The following PPP1R1C variants were observed in gnomAD, a reference collection of about 807,000 sequenced individuals.
The protein encoded by PPP1R1C is protein phosphatase 1 regulatory subunit 1C.
In PPP1R1C, 15 loss-of-function variants were observed where a neutral mutation model predicts 17.4. The observed-to-expected ratio is 0.86, with a 90% CI of 0.58 to 1.33. The LOEUF (loss-of-function observed/expected upper bound fraction) is 1.33, where lower values mean the gene tolerates loss of function less well. Ranked by LOEUF, PPP1R1C falls within the 40% of genes most tolerant of loss-of-function variation. The pLI is 0.00. For synonymous variants in PPP1R1C, 35 were observed against 43.1 expected (o/e 0.81, Z 0.73); for missense variants, 143 against 130.0 (o/e 1.10, Z -0.48).
intron 2 of PPP1R1C, among the ~76,000 whole-genome samples, chr2:182,053,989 T>C (rs1687607299): frequency 1.3e-5 from 2 of 152,118 alleles, no homozygotes; most frequent in South Asian, 4.1e-4. Flanking sequence ...ATTACAGGCG[T>C]GAGCCACCAC....
chr2:182,031,841 T>G (rs1559064638), intron 2 of PPP1R1C, among the ~76,000 whole-genome samples: 1 of 152,202 alleles, frequency 6.6e-6, no homozygotes, highest in Non-Finnish European at 1.5e-5. Context: ...TAGAAGATTT[T>G]GTTAAAAGAA....
chr2:182,033,935 C>T (rs1356983807), intron 2 of PPP1R1C, among the ~76,000 whole-genome samples: 1 of 152,160 alleles, frequency 6.6e-6, no homozygotes, highest in Non-Finnish European at 1.5e-5. Flanking sequence ...TTCTCTGTTC[C>T]TGCAAAACTC....
chr2:182,118,003 T>C (rs1689637886), downstream of PPP1R1C: 1 of 152,142 alleles, frequency 6.6e-6, no homozygotes, highest in South Asian at 2.1e-4. Flanking sequence ...AATCCAAAAA[T>C]CTATGCCAAA....
At chr2:182,074,646 C>G (rs947981779) in intron 4 of PPP1R1C, among the ~76,000 whole-genome samples, 1 of 152,160 alleles carries the variant, frequency 6.6e-6, no homozygotes, top group Non-Finnish European at 1.5e-5. Context: ...TGGTCTATAA[C>G]ATTTTCCCTC....
At chr2:182,041,347 G>T (rs1036933654) in intron 2 of PPP1R1C, among the ~76,000 whole-genome samples, 1 of 152,102 alleles carries the variant, frequency 6.6e-6, no homozygotes, top group Non-Finnish European at 1.5e-5. Context: ...GGTAGCTCAC[G>T]CCTGTAATCC....
chr2:182,080,565 T>A (rs1291386314), intron 4 of PPP1R1C, among the ~76,000 whole-genome samples: 6 of 152,200 alleles, frequency 3.9e-5, no homozygotes, highest in Admixed American at 3.9e-4. Flanking sequence ...TAATACACAT[T>A]CACACATATT....
intron 2 of PPP1R1C, among the ~76,000 whole-genome samples, chr2:181,979,722 TAG>T (rs1175897348): frequency 2.0e-5 from 3 of 152,158 alleles, no homozygotes; most frequent in Non-Finnish European, 4.4e-5. Flanking sequence ...TGGGTGTAAA[TAG>T]AGTGTACGTA....
At chr2:181,963,543 G>A (rs1684847439) in intron 1 of PPP1R1C, among the ~76,000 whole-genome samples, 1 of 152,174 alleles carries the variant, frequency 6.6e-6, no homozygotes, top group Admixed American at 6.5e-5. Context: ...GGAGGCTGCA[G>A]CAGGAGAATT....
At chr2:182,072,010 G>C (rs1304611567) in intron 4 of PPP1R1C, among the ~76,000 whole-genome samples, 1 of 152,144 alleles carries the variant, frequency 6.6e-6, no homozygotes, top group African/African-American at 2.4e-5. Context: ...ATTCCTATTT[G>C]AGTCAGTATT....
chr2:181,979,731 C>T (rs547864095), intron 2 of PPP1R1C, among the ~76,000 whole-genome samples: 8 of 152,252 alleles, frequency 5.3e-5, no homozygotes, highest in African/African-American at 1.7e-4. Context: ...ATAGAGTGTA[C>T]GTAGTGTTAG....
At chr2:182,081,077 A>G (rs10930986) in intron 4 of PPP1R1C, among the ~76,000 whole-genome samples, 83,799 of 152,040 alleles carry the variant, frequency 0.55, 23,604 homozygotes, top group Non-Finnish European at 0.61. Flanking sequence ...GATTAACTTC[A>G]TTTAAAGCAT....
intron 1 of PPP1R1C, among the ~76,000 whole-genome samples, chr2:181,959,220 T>C (rs1482756029): frequency 1.3e-5 from 2 of 152,214 alleles, no homozygotes; most frequent in African/African-American, 4.8e-5. Flanking sequence ...AAACCTACGA[T>C]TAAGAATTTT....
At chr2:182,055,262 T>A (rs1281067565) in intron 2 of PPP1R1C, among the ~76,000 whole-genome samples, 2 of 152,204 alleles carry the variant, frequency 1.3e-5, no homozygotes, top group African/African-American at 2.4e-5. Context: ...TCTAAGTGTC[T>A]TTACTTCCCT....
chr2:182,042,350 T>C (rs1687210785), intron 2 of PPP1R1C, among the ~76,000 whole-genome samples: 2 of 152,192 alleles, frequency 1.3e-5, no homozygotes, highest in South Asian at 4.1e-4. Context: ...TGGAAGTACT[T>C]TATCTGGGAT....
At chr2:182,108,516 T>A (rs1410821482) in intron 4 of PPP1R1C, among the ~76,000 whole-genome samples, 1 of 152,220 alleles carries the variant, frequency 6.6e-6, no homozygotes, top group Non-Finnish European at 1.5e-5. Context: ...AATGATGACT[T>A]CCACATTAAT....
In PPP1R1C at chr2:181,961,560, C is replaced by T; in HGVS notation, n.111+6926C>T. 2.6e-6 allele frequency: 2 copies of T among 777,584 alleles called. No individual in the cohort carries two copies. Among genetic ancestry groups the T allele is most frequent in the East Asian group, 5.1e-5 (2 of 39,484 alleles). 48.2% of individuals were successfully genotyped at this position (777,584 alleles called of 1,614,324 possible). On this transcript the variant is annotated intron_variant and non_coding_transcript_variant, in intron 1 of 5. Transcript: ENST00000464264. This position sits in a 1 kb window ranked among gnomAD's most constrained non-coding sequence, Gnocchi z 5.8. ...GATTTCTCATGGAGTCCAGGTCCAT[C>T]TTTAAGGACTGGACTGTACGTCTCA...
chr2:182,111,765 G>T (rs1473636621), intron 4 of PPP1R1C, among the ~76,000 whole-genome samples: 1 of 151,398 alleles, frequency 6.6e-6, no homozygotes, highest in Non-Finnish European at 1.5e-5. Context: ...CAATTATATA[G>T]AAATTATATT....
chr2:181,988,533 C>T (rs533257079), intron 2 of PPP1R1C, among the ~76,000 whole-genome samples: 62 of 152,306 alleles, frequency 4.1e-4, no homozygotes, highest in Admixed American at 3.7e-3. Context: ...ACATTATTTA[C>T]TTATTGAAGC....
At chr2:182,016,136 G>A (rs1397641078) in intron 2 of PPP1R1C, among the ~76,000 whole-genome samples, 1 of 152,138 alleles carries the variant, frequency 6.6e-6, no homozygotes, top group African/African-American at 2.4e-5. Flanking sequence ...GCTAGGGCTG[G>A]TCTAAATGCC....
Sources: allele counts gnomAD v4.1 joint callset (sites outside exome capture counted in the v4.1 genomes callset), GRCh38; gene constraint gnomAD v4.1.1; non-coding constraint Gnocchi (gnomAD v3.1); transcripts MANE v1.5; gene names NCBI Gene and HGNC (gene_info 2026-07-23, HGNC 2026-07-21).